DPYD: variants seen among roughly 807,000 people sequenced by gnomAD.
DPYD encodes the protein dihydropyrimidine dehydrogenase [NADP(+)].
A neutral mutation model predicts 116.2 loss-of-function variants in DPYD; 109 were observed. The observed-to-expected ratio is 0.94, with a 90% CI of 0.80 to 1.10. The LOEUF is 1.10. Ranked by LOEUF, DPYD falls within the 50% of genes least tolerant of loss-of-function variation. The pLI is 0.00. For synonymous variants in DPYD, 440 were observed against 432.0 expected (o/e 1.02, Z -0.23); for missense variants, 1,302 against 1,254.5 (o/e 1.04, Z -0.57).
chr1:97,162,229 A>C (rs1455136121), intron 20 of DPYD, among the ~76,000 whole-genome samples: 1 of 152,068 alleles, frequency 6.6e-6, no homozygotes, highest in African/African-American at 2.4e-5. Flanking sequence ...CCTCTCCAGC[A>C]CCTGTTGTTT....
intron 19 of DPYD, among the ~76,000 whole-genome samples, chr1:97,210,369 T>G (rs1270519279): frequency 6.6e-6 from 1 of 152,166 alleles, no homozygotes; most frequent in East Asian, 1.9e-4. Flanking sequence ...CTTCTAAAAT[T>G]TAGCTTCAGG....
At chr1:97,826,219 A>G (rs1421739380) in intron 3 of DPYD, among the ~76,000 whole-genome samples, 1 of 152,204 alleles carries the variant, frequency 6.6e-6, no homozygotes, top group Non-Finnish European at 1.5e-5. Context: ...AAAAAACAGG[A>G]CATCCTGGTA....
chr1:97,204,116 G>C (rs1288304393), intron 19 of DPYD, among the ~76,000 whole-genome samples: 1 of 152,122 alleles, frequency 6.6e-6, no homozygotes, highest in Non-Finnish European at 1.5e-5. Flanking sequence ...CAATGTTGAA[G>C]TTAATATATG....
intron 2 of DPYD, among the ~76,000 whole-genome samples, chr1:97,833,903 A>G (rs1669644068): frequency 6.6e-6 from 1 of 152,140 alleles, no homozygotes; most frequent in South Asian, 2.1e-4. Flanking sequence ...AGTATAATGA[A>G]AACCATGATC....
At chr1:97,357,657 T>C (rs1670493169) in intron 16 of DPYD, among the ~76,000 whole-genome samples, 1 of 152,178 alleles carries the variant, frequency 6.6e-6, no homozygotes, top group Admixed American at 6.5e-5. Flanking sequence ...ATTGTACCCA[T>C]TAAGTAGTTT....
intron 5 of DPYD, among the ~76,000 whole-genome samples, chr1:97,703,300 T>C (rs1040384267): frequency 6.6e-6 from 1 of 152,024 alleles, no homozygotes; most frequent in African/African-American, 2.4e-5. Flanking sequence ...GAAACGAGAC[T>C]CTTGGGGTTG....
At position 97,740,921 on chromosome 1, in the gene DPYD, C is replaced by T. The variant is rs116852113; in HGVS notation, c.234-442G>A. ...ACCACTTGAAATATCCTTTCTTCCA[C>T]TCTTCCTTCCTCCCAGCTTCCCTCT... On this transcript the variant is annotated intron_variant, in intron 3 of 22. Coordinates refer to ENST00000370192, the MANE Select transcript of DPYD (RefSeq NM_000110.4). Among the ~76,000 whole-genome samples, 13 of 152,222 alleles carry T rather than the reference C, an allele frequency of 8.5e-5. No homozygotes were observed. The East Asian group carries it at 2.3e-3, about 27-fold the overall frequency.
chr1:97,610,231 G>C (rs1655854856), intron 8 of DPYD, among the ~76,000 whole-genome samples: 1 of 151,858 alleles, frequency 6.6e-6, no homozygotes, highest in Non-Finnish European at 1.5e-5. Flanking sequence ...ATATTGTCAA[G>C]TCACACCACC....
intron 2 of DPYD, among the ~76,000 whole-genome samples, chr1:97,860,572 T>G (rs1671065820): frequency 6.6e-6 from 1 of 152,152 alleles, no homozygotes; most frequent in African/African-American, 2.4e-5. Context: ...ATGAGGCACC[T>G]GAGTACTGGA....
chr1:97,724,549 A>G (rs1663126899), intron 4 of DPYD, among the ~76,000 whole-genome samples: 1 of 151,480 alleles, frequency 6.6e-6, no homozygotes, highest in Admixed American at 6.6e-5. Flanking sequence ...GAGAAAGCCA[A>G]TGTTTCATTT....
intron 3 of DPYD, among the ~76,000 whole-genome samples, chr1:97,774,374 GTC>G (rs1434198670): frequency 6.6e-6 from 1 of 152,122 alleles, no homozygotes; most frequent in African/African-American, 2.4e-5. Context: ...TTCGTCTCTT[GTC>G]TCTCTCTCAC....
chr1:97,365,049 G>A (rs1016169235), intron 16 of DPYD, among the ~76,000 whole-genome samples: 1 of 152,092 alleles, frequency 6.6e-6, no homozygotes, highest in Non-Finnish European at 1.5e-5. Flanking sequence ...TGATACCTTC[G>A]TTTAATTTGT....
At chr1:97,779,130 G>A (rs926935891) in intron 3 of DPYD, among the ~76,000 whole-genome samples, 1 of 151,970 alleles carries the variant, frequency 6.6e-6, no homozygotes, top group African/African-American at 2.4e-5. Context: ...TTTAGATTTG[G>A]AACAAAATAA....
At chr1:97,669,892 C>T (rs1228467147) in intron 8 of DPYD, among the ~76,000 whole-genome samples, 1 of 152,100 alleles carries the variant, frequency 6.6e-6, no homozygotes, top group African/African-American at 2.4e-5. Context: ...CTTACTAACC[C>T]CTCTTTTCTT....
At chr1:97,742,011 A>G (rs1179193913) in intron 3 of DPYD, among the ~76,000 whole-genome samples, 2 of 152,172 alleles carry the variant, frequency 1.3e-5, no homozygotes, top group Non-Finnish European at 2.9e-5. Flanking sequence ...GCCTGGAAAG[A>G]AAAGAACGTG....
chr1:97,208,959 GGT>G (rs146440035), intron 19 of DPYD, among the ~76,000 whole-genome samples: 2 of 151,660 alleles, frequency 1.3e-5, no homozygotes, highest in African/African-American at 2.4e-5. Flanking sequence ...TGTCTTCTGA[GGT>G]GTGTGTGTGT....
In DPYD at chr1:97,830,744, C is replaced by T. The variant is rs111762807; in HGVS notation, c.151-2548G>A. ...AAAAGAGAGAGAGAGAAAGTGGACA[C>T]GTGGACACTGAGAGACTGTAGTAGC... On this transcript the variant is annotated intron_variant, in intron 2 of 22. Transcript: ENST00000370192. 3.3e-5 allele frequency among the ~76,000 whole-genome samples: 5 copies of T among 151,564 alleles called. No homozygotes were observed. The East Asian group carries it at 7.7e-4, about 23-fold the overall frequency.
rs1240837543 is a variant in DPYD at position 97,323,338 on chromosome 1, A to ATG, written c.2059-17042_2059-17041insCA. On this transcript the variant is annotated intron_variant, in intron 16 of 22. Transcript: ENST00000370192. ...TATACATATGTGTATATGTACACGT[A>ATG]TATATACATGTGTATATGTACACGT... Among the ~76,000 whole-genome samples the ATG allele has an allele frequency of 2.3e-4, 24 of 105,862 alleles. 1 individual carries two copies. Among genetic ancestry groups the ATG allele is most frequent in the African/African-American group, 5.5e-4 (16 of 29,196 alleles). The allele number at this position is 105,862 out of a possible 152,430, so 69.4% of individuals were successfully genotyped here.
intron 14 of DPYD, among the ~76,000 whole-genome samples, chr1:97,434,627 C>G (rs1202682265): frequency 1.3e-5 from 2 of 152,004 alleles, no homozygotes; most frequent in African/African-American, 4.8e-5. Flanking sequence ...TTTCTCTGCT[C>G]ATTAGCACCT....
Sources: gnomAD v4.1 joint callset for allele counts (sites outside exome capture counted in the v4.1 genomes callset) on GRCh38, gnomAD v4.1.1 for gene constraint, MANE v1.5 for transcripts, NCBI Gene and HGNC (gene_info 2026-07-23, HGNC 2026-07-21) for gene names.